The following WDR48 variants were observed in gnomAD, a reference collection of about 807,000 sequenced individuals.
The protein encoded by WDR48 is WD repeat domain 48, also known as WD repeat-containing protein 48.
A neutral mutation model predicts 94.0 loss-of-function variants in WDR48; 22 were observed. The observed-to-expected ratio is 0.23, with a 90% CI of 0.17 to 0.33. WDR48 has a LOEUF of 0.33. Ranked by LOEUF, WDR48 falls within the 10% of genes least tolerant of loss-of-function variation. The pLI is 1.00. For missense variants in WDR48, 541 were observed against 813.8 expected (o/e 0.66, Z 4.08); for synonymous variants, 278 against 280.5 (o/e 0.99, Z 0.09).
At chr3:39,060,200 A>G (rs191769477) in intron 1 of WDR48, among the ~76,000 whole-genome samples, 2 of 152,220 alleles carry the variant, frequency 1.3e-5, no homozygotes, top group East Asian at 1.9e-4. Context: ...TAATTACTCT[A>G]TGTTCATTAG....
chr3:39,057,094 AG>A (rs2032938153), intron 1 of WDR48, among the ~76,000 whole-genome samples: 1 of 152,222 alleles, frequency 6.6e-6, no homozygotes, highest in Non-Finnish European at 1.5e-5. Context: ...AAGCTCTTTG[AG>A]GAAGGAAATG....
intron 11 of WDR48, among the ~76,000 whole-genome samples, chr3:39,082,708 A>G (rs1341122763): frequency 2.0e-5 from 3 of 152,222 alleles, no homozygotes; most frequent in African/African-American, 7.2e-5. Context: ...ACAGGTTATC[A>G]GGAGAAAAGG....
intron 8 of WDR48, 67 bp from the exon 9 acceptor site, chr3:39,077,072 T>C (rs994777690): frequency 3.2e-5 from 50 of 1,558,434 alleles, no homozygotes; most frequent in Non-Finnish European, 4.1e-5. Flanking sequence ...ATTAATAACA[T>C]ATCTAGTCCT....
chr3:39,055,102 CCTGA>C (rs2125630071), intron 1 of WDR48, among the ~76,000 whole-genome samples: 2 of 152,316 alleles, frequency 1.3e-5, no homozygotes, highest in Non-Finnish European at 2.9e-5. Context: ...TACTTTGTCT[CCTGA>C]CTGTCTCAGA....
At position 39,087,083 on chromosome 3, in the gene WDR48, T is replaced by G. The variant is rs149023881; in HGVS notation, c.1475-1045T>G. On this transcript the variant is annotated intron_variant, in intron 14 of 18. Transcript: ENST00000302313. ...ATGTTCTGGTATGGCAGAGAGTTACTTATGGAAAGCATTCTGAGATAGAAG... is the reference window on the plus strand; with the variant it reads ...ATGTTCTGGTATGGCAGAGAGTTACGTATGGAAAGCATTCTGAGATAGAAG... Among the ~76,000 whole-genome samples, 1,032 of 152,298 alleles carry G rather than the reference T, an allele frequency of 6.8e-3. 10 individuals are homozygous for G. Among genetic ancestry groups the G allele is most frequent in the Non-Finnish European group, 9.7e-3 (660 of 68,024 alleles).
At position 39,094,072 on chromosome 3, in the gene WDR48, T is replaced by A; in HGVS notation, c.1938+6T>A. 6.2e-7 allele frequency: 1 copy of A among 1,609,444 alleles called. No homozygotes were observed. The highest frequency in any genetic ancestry group is 8.5e-7 in the Non-Finnish European group (1 of 1,178,602). On this transcript the variant is annotated splice_donor_region_variant and intron_variant, in intron 18 of 18. Transcript: ENST00000302313. Reference sequence around the variant, plus strand: ...AACTTTTGTGCCAGGACCAGGTAAGTGGACTTGAGGACTACAGCCCCAATT... The same window carrying A: ...AACTTTTGTGCCAGGACCAGGTAAGAGGACTTGAGGACTACAGCCCCAATT...
chr3:39,077,314 G>T, intron 9 of WDR48, 101 bp downstream of exon 9: 1 of 1,322,098 alleles, frequency 7.6e-7, no homozygotes. Flanking sequence ...CCTAACTCTA[G>T]CATGCTTTTG....
intron 17 of WDR48, among the ~76,000 whole-genome samples, chr3:39,092,609 T>A (rs1482843962): frequency 6.6e-6 from 1 of 152,220 alleles, no homozygotes; most frequent in African/African-American, 2.4e-5. Context: ...CAGAAACTTT[T>A]GAGCCAATGT....
intron 2 of WDR48, among the ~76,000 whole-genome samples, chr3:39,064,160 AAG>A (rs991515729): frequency 1.3e-5 from 2 of 152,188 alleles, no homozygotes; most frequent in African/African-American, 4.8e-5. Context: ...GGAAGAAAAA[AAG>A]AGCATTTATT....
In WDR48 at chr3:39,096,053, A is replaced by G. The variant is rs2035315261; in HGVS notation, c.*1310A>G. ...GCAGGGACTAGGGAGGGAGGCAGGG[A>G]ACGTTTTTTCTTTTCTACATCTTCA... On this transcript the variant is annotated 3_prime_UTR_variant, in exon 19 of 19. Coordinates refer to ENST00000302313, the MANE Select transcript of WDR48 (RefSeq NM_020839.4). 6.6e-6 allele frequency: 1 copy of G among 152,582 alleles called. No homozygotes were observed. Among genetic ancestry groups the G allele is most frequent in the South Asian group, 2.1e-4 (1 of 4,816 alleles). 9.5% of individuals were successfully genotyped at this position (152,582 alleles called of 1,614,324 possible).
intron 10 of WDR48, 61 bp downstream of exon 10, chr3:39,078,300 A>T: frequency 8.7e-7 from 1 of 1,155,434 alleles, no homozygotes; most frequent in Non-Finnish European, 1.3e-6. Flanking sequence ...TTAGAGATTG[A>T]CAAAAATCAA....
chr3:39,072,024 T>C (rs2033966179), intron 7 of WDR48, among the ~76,000 whole-genome samples: 1 of 152,242 alleles, frequency 6.6e-6, no homozygotes, highest in South Asian at 2.1e-4. Flanking sequence ...TGCATCCTGC[T>C]AAATTGCCCT....
intron 16 of WDR48, chr3:39,089,970 CAT>C (rs1374720057): frequency 6.6e-6 from 1 of 152,116 alleles, no homozygotes; most frequent in Non-Finnish European, 1.5e-5. Context: ...CATCCTTGTA[CAT>C]ATATCTTTGT....
chr3:39,055,225 G>A (rs145031011), intron 1 of WDR48, among the ~76,000 whole-genome samples: 2,187 of 152,286 alleles, frequency 0.014, 20 homozygotes, highest in Non-Finnish European at 0.018. Flanking sequence ...GGTGGCTCAT[G>A]CCTGTAATCC....
chr3:39,085,342 A>T (rs905729778), intron 13 of WDR48, among the ~76,000 whole-genome samples, 173 bp from the exon 14 acceptor site: 1 of 152,228 alleles, frequency 6.6e-6, no homozygotes, highest in Non-Finnish European at 1.5e-5. Context: ...TCTAAGATAA[A>T]ATTTTAGCAG....
At chr3:39,079,619 T>A in intron 10 of WDR48, 92 bp from the exon 11 acceptor site, 1 of 870,474 alleles carries the variant, frequency 1.1e-6, no homozygotes, top group South Asian at 1.8e-5. Flanking sequence ...ACAGTTTATG[T>A]TCCTGTTAGA....
At chr3:39,089,375 A>G (rs2034971134) in intron 16 of WDR48, 57 bp downstream of exon 16, 2 of 1,505,586 alleles carry the variant, frequency 1.3e-6, no homozygotes, top group Admixed American at 1.7e-5. Flanking sequence ...CATGAAATTA[A>G]GAACTGCTTT....
chr3:39,055,243 T>C (rs2032795554), intron 1 of WDR48, among the ~76,000 whole-genome samples: 1 of 152,118 alleles, frequency 6.6e-6, no homozygotes, highest in Non-Finnish European at 1.5e-5. Flanking sequence ...TCCCAGCACT[T>C]TGGGAGGCCA....
intron 17 of WDR48, among the ~76,000 whole-genome samples, chr3:39,093,421 G>C (rs2035188253): frequency 1.3e-5 from 2 of 152,188 alleles, no homozygotes; most frequent in African/African-American, 2.4e-5. Context: ...CTAGAGTGCA[G>C]TGGCGTATCT....
Sources: gnomAD v4.1 joint callset for allele counts (sites outside exome capture counted in the v4.1 genomes callset) on GRCh38, gnomAD v4.1.1 for gene constraint, MANE v1.5 for transcripts, NCBI Gene and HGNC (gene_info 2026-07-23, HGNC 2026-07-21) for gene names.